Variants in KIF17 observed in about 807,000 individuals in gnomAD.
KIF17 encodes kinesin-like protein KIF17.
Under a neutral mutation model 96.8 loss-of-function variants are expected in KIF17, and 80 were observed. The observed-to-expected ratio is 0.83, with a 90% CI of 0.69 to 1.00. The LOEUF is 1.00. Ranked by LOEUF, KIF17 falls within the 50% of genes least tolerant of loss-of-function variation. The pLI is 0.00. For missense variants in KIF17, 1,280 were observed against 1,372.9 expected, an observed-to-expected ratio of 0.93 and a Z score of 1.07; for synonymous variants, 567 against 587.5, an observed-to-expected ratio of 0.97 and a Z score of 0.51.
Position 20,717,758 on chromosome 1 carries a change from G to C in KIF17, c.-52C>G. ...CAGAGCTGACCCCCGCCCCGCCGGGGACTCCCAGCAGCCCGGGCCAAGGGG... is the reference window on the plus strand; with the variant it reads ...CAGAGCTGACCCCCGCCCCGCCGGGCACTCCCAGCAGCCCGGGCCAAGGGG... On this transcript the variant is annotated 5_prime_UTR_variant, in exon 1 of 15. Transcript: ENST00000400463. 6.7e-7 allele frequency: 1 copy of C among 1,499,292 alleles called. No individual in the cohort carries two copies. 92.9% of individuals were successfully genotyped at this position (1,499,292 alleles called of 1,614,324 possible).
intron 6 of KIF17, among the ~76,000 whole-genome samples, chr1:20,695,298 C>T (rs2054117254): frequency 6.6e-6 from 1 of 152,224 alleles, no homozygotes; most frequent in South Asian, 2.1e-4. Flanking sequence ...ACCGATTCTC[C>T]TGCCTCAGTC....
At position 20,699,523 on chromosome 1, in the gene KIF17, G is replaced by A. The variant is rs932583493; in HGVS notation, c.1124-1035C>T. Among the ~76,000 whole-genome samples, 3 of 152,172 alleles carry A rather than the reference G, an allele frequency of 2.0e-5. No individual in the cohort carries two copies. The highest frequency in any genetic ancestry group is 4.8e-5 in the African/African-American group (2 of 41,446). ...GGAGGTTGCAGTGAGCTGAGATGGCGCCACTGCACTCCAGCCTGGGCGAAA... is the reference window on the plus strand; with the variant it reads ...GGAGGTTGCAGTGAGCTGAGATGGCACCACTGCACTCCAGCCTGGGCGAAA... On this transcript the variant is annotated intron_variant, in intron 5 of 14. Coordinates refer to ENST00000400463, the MANE Select transcript of KIF17 (RefSeq NM_001122819.3). The surrounding 1 kb of genome is among the most constrained non-coding windows in gnomAD (Gnocchi z 4.3).
chr1:20,703,469 AG>A, intron 5 of KIF17, among the ~76,000 whole-genome samples: 1 of 132,604 alleles, frequency 7.5e-6, no homozygotes, highest in South Asian at 2.8e-4. Context: ...GGTAGATGGG[AG>A]GATGGATAGA....
chr1:20,714,339 A>AT (rs1191097528), intron 2 of KIF17, among the ~76,000 whole-genome samples: 1 of 152,054 alleles, frequency 6.6e-6, no homozygotes, highest in East Asian at 1.9e-4. Flanking sequence ...AAAAAAAAAA[A>AT]ATTAGCTGCG....
chr1:20,697,091 G>T (rs1044099890), intron 6 of KIF17, among the ~76,000 whole-genome samples: 1 of 151,582 alleles, frequency 6.6e-6, no homozygotes, highest in African/African-American at 2.4e-5. Flanking sequence ...CCACGCCTCC[G>T]GCCCACAGGA....
rs1229260984 is a variant in KIF17 at position 20,699,716 on chromosome 1, T to G, written c.1124-1228A>C. 1.4e-5 allele frequency among the ~76,000 whole-genome samples: 2 copies of G among 145,226 alleles called. No homozygotes were observed. On this transcript the variant is annotated intron_variant, in intron 5 of 14. Coordinates refer to ENST00000400463, the MANE Select transcript of KIF17 (RefSeq NM_001122819.3). This position sits in a 1 kb window ranked among gnomAD's most constrained non-coding sequence, Gnocchi z 4.3. ...CTTGCTAGACAGGGGGAGCGGTGAG[T>G]GCGAGGGCCCTGAGGCGGTTGTGAG...
At chr1:20,696,624 C>T (rs2054144739) in intron 6 of KIF17, among the ~76,000 whole-genome samples, 1 of 152,144 alleles carries the variant, frequency 6.6e-6, no homozygotes, top group African/African-American at 2.4e-5. Context: ...GCCCTACTTA[C>T]TGGACAGCGG....
chr1:20,710,215 G>A (rs1482741889), intron 3 of KIF17, among the ~76,000 whole-genome samples: 2 of 152,236 alleles, frequency 1.3e-5, no homozygotes, highest in Non-Finnish European at 2.9e-5. Context: ...TGTTGTTAGT[G>A]CTATGATTAC....
intron 6 of KIF17, chr1:20,693,010 G>C (rs1372454955): frequency 6.6e-6 from 1 of 152,082 alleles, no homozygotes; most frequent in East Asian, 1.9e-4. Flanking sequence ...CTGACCTCGT[G>C]ATCCACCCTC....
chr1:20,670,462 C>T lies in KIF17; in HGVS notation c.2749G>A (p.Ala917Thr), dbSNP rs2053628751. Residue 917 changes from alanine to threonine, a missense_variant, in exon 13 of 15, where the codon GCC becomes ACC. Coordinates refer to ENST00000400463, the MANE Select transcript of KIF17 (RefSeq NM_001122819.3). ...VVSTGPQNKPARKTSAADNGE... is the reference protein window; with the variant it reads ...VVSTGPQNKPTRKTSAADNGE... ...TTGTCTGCTGCAGAGGTTTTGCGGGCTGGTTTGTTCTGTGGCCCAGTTGAA... is the reference window on the plus strand; with the variant it reads ...TTGTCTGCTGCAGAGGTTTTGCGGGTTGGTTTGTTCTGTGGCCCAGTTGAA... 2.5e-6 allele frequency: 4 copies of T among 1,614,006 alleles called. No homozygotes were observed. The South Asian group carries it at 4.4e-5, about 18-fold the overall frequency.
At chr1:20,678,807 G>A (rs148881578) in intron 11 of KIF17, among the ~76,000 whole-genome samples, 32 of 152,270 alleles carry the variant, frequency 2.1e-4, no homozygotes, top group African/African-American at 6.7e-4. Flanking sequence ...AGACCAGTAC[G>A]TGTGCAGGAC....
intron 10 of KIF17, 148 bp from the exon 11 acceptor site, chr1:20,683,032 G>A: frequency 3.0e-6 from 2 of 669,004 alleles, no homozygotes; most frequent in East Asian, 5.5e-5. Flanking sequence ...TCGGCGACAG[G>A]ACGCTGCTTG....
chr1:20,688,291 G>A (rs1009847363), intron 7 of KIF17, among the ~76,000 whole-genome samples: 6 of 151,742 alleles, frequency 4.0e-5, no homozygotes, highest in Admixed American at 2.0e-4. Flanking sequence ...CTCGTGATCC[G>A]CCCCCACTCG....
In KIF17 at chr1:20,712,599, T is replaced by G. The variant is rs1424932418; in HGVS notation, c.480+855A>C. Among the ~76,000 whole-genome samples, 17 of 14,688 alleles carry G rather than the reference T, an allele frequency of 1.2e-3. 1 individual carries two copies. Among genetic ancestry groups the G allele is most frequent in the Non-Finnish European group, 1.8e-3 (9 of 4,970 alleles). 9.6% of individuals were successfully genotyped at this position (14,688 alleles called of 152,430 possible). ...AATATTATCTATATATATATCTATATATATCTATATATATATAATATAGAT... is the reference window on the plus strand; with the variant it reads ...AATATTATCTATATATATATCTATAGATATCTATATATATATAATATAGAT... On this transcript the variant is annotated intron_variant, in intron 3 of 14. Transcript: ENST00000400463.
In KIF17 at chr1:20,704,712, G is replaced by C. The variant is rs756422114; in HGVS notation, c.858C>G (p.Pro286=). ...ALVDGRCKHV[P]YRDSKLTRLL... is the part of the protein sequence containing the mutation. The stretch of plus-strand genomic sequence containing the variant: ...GCCGCGTCAGCTTCGAGTCACGGTA[G>C]GGGACGTGCTTACAGCGCCCGTCCA... Residue 286 remains proline (P), a synonymous_variant, in exon 5 of 15, where the codon CCC becomes CCG. Coordinates refer to ENST00000400463, the MANE Select transcript of KIF17 (RefSeq NM_001122819.3). The surrounding 1 kb of genome is among the most constrained non-coding windows in gnomAD (Gnocchi z 6.8). The C allele has an allele frequency of 4.6e-5, 75 of 1,613,830 alleles. No individual in the cohort carries two copies. Among genetic ancestry groups the C allele is most frequent in the Non-Finnish European group, 6.3e-5 (74 of 1,179,874 alleles).
rs754931904 is a variant in KIF17 at position 20,684,996 on chromosome 1, C to G, written c.2044G>C (p.Ala682Pro). The change falls in exon 10 of 15, where the codon GCC (alanine) becomes CCC (proline). Residue 682 changes from alanine to proline, a missense_variant. Transcript: ENST00000400463. ...TCTGCTGTCCGCACCACCTCTAAGG[C>G]CACTTCCGAGGCCAGATCTACCTCC... ...RPEVDLASEV[A>P]LEVVRTAEPG... 1 of 1,602,076 alleles carries G rather than the reference C, an allele frequency of 6.2e-7. No homozygotes were observed. The highest frequency in any genetic ancestry group is 8.5e-7 in the Non-Finnish European group (1 of 1,174,418).
intron 6 of KIF17, among the ~76,000 whole-genome samples, chr1:20,694,989 G>A (rs1333482353): frequency 1.3e-5 from 2 of 152,094 alleles, no homozygotes; most frequent in Non-Finnish European, 2.9e-5. Context: ...TACGTGGATG[G>A]AAACACACAT....
chr1:20,712,944 C>CTATATTATCTATATTATATA (rs1324190316), intron 3 of KIF17, among the ~76,000 whole-genome samples: 1 of 113,422 alleles, frequency 8.8e-6, no homozygotes, highest in Non-Finnish European at 1.7e-5. Context: ...ATAATATTAT[C>CTATATTATCTATATTATATA]TATATTATCT....
At chr1:20,662,803 C>T (rs1570421334), downstream of KIF17, among the ~76,000 whole-genome samples, 3 of 152,324 alleles carry the variant, frequency 2.0e-5, no homozygotes, top group African/African-American at 4.8e-5. Context: ...CTGCCTTTTG[C>T]TTTGCAGCGC....
Sources: gnomAD v4.1 joint callset for allele counts (sites outside exome capture counted in the v4.1 genomes callset) on GRCh38, gnomAD v4.1.1 for gene constraint, Gnocchi (gnomAD v3.1) non-coding constraint, MANE v1.5 for transcripts, NCBI Gene and HGNC (gene_info 2026-07-23, HGNC 2026-07-21) for gene names.